The following CTDSPL2 variants were observed in gnomAD, a reference collection of about 807,000 sequenced individuals.
CTDSPL2 encodes CTD small phosphatase-like protein 2.
A neutral mutation model predicts 60.0 loss-of-function variants in CTDSPL2; 5 were observed. The ratio of observed to expected loss-of-function variants is 0.08; its 90% CI spans 0.04 to 0.18. CTDSPL2 has a LOEUF of 0.18. Among genes scored for constraint, CTDSPL2 ranks in the 10% least tolerant of loss-of-function variants. CTDSPL2 has a pLI of 1.00. For missense variants in CTDSPL2, 370 were observed against 548.8 expected (o/e 0.67, Z 3.26); for synonymous variants, 186 against 189.3 (o/e 0.98, Z 0.14).
At chr15:44,492,706 G>A (rs2081237385) in intron 5 of CTDSPL2, among the ~76,000 whole-genome samples, 1 of 152,164 alleles carries the variant, frequency 6.6e-6, no homozygotes, top group South Asian at 2.1e-4. Context: ...GTCATCAAGT[G>A]AAAGATTCAT....
intron 2 of CTDSPL2, among the ~76,000 whole-genome samples, chr15:44,471,989 AAAAAC>A (rs1315320928): frequency 2.0e-5 from 3 of 151,986 alleles, no homozygotes; most frequent in Admixed American, 1.3e-4. Context: ...AAAAAAGAGA[AAAAAC>A]AAAGTACATC....
intron 1 of CTDSPL2, among the ~76,000 whole-genome samples, chr15:44,444,737 T>G (rs1195465389): frequency 2.0e-5 from 3 of 151,696 alleles, no homozygotes; most frequent in Non-Finnish European, 4.4e-5. Context: ...AGTAGTTTTT[T>G]TTTTTTTTTT....
At chr15:44,460,330 G>T (rs1381943236) in intron 2 of CTDSPL2, among the ~76,000 whole-genome samples, 3 of 152,126 alleles carry the variant, frequency 2.0e-5, no homozygotes, top group Non-Finnish European at 4.4e-5. Flanking sequence ...GGATGGTCTT[G>T]ATCTCCTGAC....
At chr15:44,446,185 A>G (rs190418145) in intron 1 of CTDSPL2, among the ~76,000 whole-genome samples, 1 of 152,116 alleles carries the variant, frequency 6.6e-6, no homozygotes, top group Non-Finnish European at 1.5e-5. Flanking sequence ...CGACCTCCCA[A>G]AGTGCTGGGA....
intron 1 of CTDSPL2, chr15:44,448,222 C>G: frequency 3.3e-6 from 1 of 299,088 alleles, no homozygotes; most frequent in Non-Finnish European, 6.8e-6. Flanking sequence ...CATGCCGGCA[C>G]CCATGTGCTC....
At chr15:44,434,205 T>C (rs1036481482) in intron 1 of CTDSPL2, among the ~76,000 whole-genome samples, 8 of 151,768 alleles carry the variant, frequency 5.3e-5, no homozygotes, top group Non-Finnish European at 1.2e-4. Flanking sequence ...ATCGAGATCA[T>C]CCTGGCCAAC....
At chr15:44,493,253 A>T (rs1478079205) in intron 5 of CTDSPL2, among the ~76,000 whole-genome samples, 4 of 152,178 alleles carry the variant, frequency 2.6e-5, no homozygotes, top group Non-Finnish European at 5.9e-5. Flanking sequence ...GATTGGGATG[A>T]TCATGAGAGT....
At chr15:44,446,737 A>G (rs2080224143) in intron 1 of CTDSPL2, among the ~76,000 whole-genome samples, 2 of 148,168 alleles carry the variant, frequency 1.3e-5, no homozygotes, top group African/African-American at 5.0e-5. Flanking sequence ...AGAAAGGGAA[A>G]TTGGAATCTT....
At chr15:44,433,453 T>C (rs2079904351) in intron 1 of CTDSPL2, among the ~76,000 whole-genome samples, 1 of 101,462 alleles carries the variant, frequency 9.9e-6, no homozygotes, top group South Asian at 2.8e-4. Flanking sequence ...TTTATATACA[T>C]ATATATACAC....
Position 44,521,415 on chromosome 15 carries a change from A to C in CTDSPL2, c.1335+9A>C, listed in dbSNP as rs777051358. 1.4e-6 allele frequency: 2 copies of C among 1,403,898 alleles called. No individual in the cohort carries two copies. The highest frequency in any genetic ancestry group is 2.0e-6 in the Non-Finnish European group (2 of 1,010,696). 87.0% of individuals were successfully genotyped at this position (1,403,898 alleles called of 1,614,324 possible). A position where few individuals can be genotyped will look rare whatever the true frequency, so the allele number is the denominator to read the frequency against. On this transcript the variant is annotated intron_variant, in intron 12 of 12. Transcript: ENST00000260327. ...AGAAGCTTGTAGAACTGGTAAGTGT[A>C]GCTTATCTTTTTCTGTTGTGTTTTT... is the stretch of plus-strand genomic sequence containing the variant.
At chr15:44,480,363 G>GGT (rs1320313278) in intron 2 of CTDSPL2, among the ~76,000 whole-genome samples, 4 of 152,024 alleles carry the variant, frequency 2.6e-5, no homozygotes, top group African/African-American at 4.8e-5. Flanking sequence ...CCTTTGCACT[G>GGT]GTATATATGG....
At chr15:44,441,509 C>T (rs1302510607) in intron 1 of CTDSPL2, among the ~76,000 whole-genome samples, 2 of 152,196 alleles carry the variant, frequency 1.3e-5, no homozygotes, top group African/African-American at 4.8e-5. Flanking sequence ...AGGAATAATA[C>T]ATTCTCATGC....
intron 1 of CTDSPL2, among the ~76,000 whole-genome samples, chr15:44,446,705 C>CA (rs558280344): frequency 0.085 from 7,795 of 92,146 alleles, 254 homozygotes; most frequent in Middle Eastern, 0.2. Context: ...AGGGAACAGG[C>CA]AAAAAAAAAA....
At chr15:44,493,894 T>G (rs1445882739) in intron 5 of CTDSPL2, among the ~76,000 whole-genome samples, 1 of 152,202 alleles carries the variant, frequency 6.6e-6, no homozygotes, top group Non-Finnish European at 1.5e-5. Flanking sequence ...TGCTGATTAT[T>G]GGAAGCATAA....
intron 8 of CTDSPL2, among the ~76,000 whole-genome samples, chr15:44,505,551 A>G (rs1481263758): frequency 1.3e-5 from 2 of 152,042 alleles, no homozygotes; most frequent in African/African-American, 2.4e-5. Flanking sequence ...CCTAAACAAC[A>G]TGGTGAAACC....
intron 4 of CTDSPL2, among the ~76,000 whole-genome samples, chr15:44,490,240 C>T (rs994582771): frequency 5.9e-5 from 9 of 152,194 alleles, no homozygotes; most frequent in East Asian, 5.8e-4. Context: ...TGGGCCCAAG[C>T]GATCCTCCCA....
intron 1 of CTDSPL2, among the ~76,000 whole-genome samples, chr15:44,443,799 C>G (rs1390244819): frequency 1.3e-5 from 2 of 152,016 alleles, no homozygotes; most frequent in Non-Finnish European, 2.9e-5. Context: ...TTTATGTATT[C>G]TAGATAAGAA....
intron 7 of CTDSPL2, among the ~76,000 whole-genome samples, chr15:44,497,459 G>A (rs1371288313): frequency 6.6e-6 from 1 of 152,010 alleles, no homozygotes; most frequent in Admixed American, 6.6e-5. Context: ...TCCGCCTCCC[G>A]GGTTTACACA....
intron 1 of CTDSPL2, among the ~76,000 whole-genome samples, chr15:44,449,829 A>G (rs1202016553): frequency 6.6e-6 from 1 of 152,028 alleles, no homozygotes; most frequent in East Asian, 1.9e-4. Context: ...CGTCTCTACT[A>G]AAAATACGAA....
Sources: allele counts gnomAD v4.1 joint callset (sites outside exome capture counted in the v4.1 genomes callset), GRCh38; gene constraint gnomAD v4.1.1; transcripts MANE v1.5; gene names NCBI Gene and HGNC (gene_info 2026-07-23, HGNC 2026-07-21).